The following TENM4 variants were observed in gnomAD, a reference collection of about 807,000 sequenced individuals.
TENM4 encodes teneurin-4.
A neutral mutation model predicts 243.3 loss-of-function variants in TENM4; 82 were observed. That is an observed-to-expected ratio of 0.34 (90% CI 0.28 to 0.40). The LOEUF (loss-of-function observed/expected upper bound fraction) is 0.40, where lower values mean the gene tolerates loss of function less well. Among genes scored for constraint, TENM4 ranks in the 10% least tolerant of loss-of-function variants. The pLI is 1.00. For synonymous variants in TENM4, 1,412 were observed against 1,456.3 expected (o/e 0.97, Z 0.69); for missense variants, 3,138 against 3,673.3 (o/e 0.85, Z 3.77).
intron 3 of TENM4, among the ~76,000 whole-genome samples, chr11:79,201,259 G>A (rs1222642321): frequency 1.3e-5 from 2 of 152,150 alleles, no homozygotes; most frequent in Admixed American, 1.3e-4. Context: ...GTTGACACTG[G>A]TGGTCCAGGG....
At chr11:78,710,262 A>G (rs571229970) in intron 26 of TENM4, among the ~76,000 whole-genome samples, 3 of 152,338 alleles carry the variant, frequency 2.0e-5, no homozygotes, top group African/African-American at 7.2e-5. Flanking sequence ...ACTAGCCCTC[A>G]ATAATTATTA....
At chr11:78,956,690 A>G (rs1354905620) in intron 6 of TENM4, among the ~76,000 whole-genome samples, 1 of 152,230 alleles carries the variant, frequency 6.6e-6, no homozygotes, top group African/African-American at 2.4e-5. Flanking sequence ...CAGGATCACC[A>G]TCTATTAGCC....
Position 78,712,666 on chromosome 11 carries a change from C to G in TENM4, c.3870G>C (p.Gly1290=), listed in dbSNP as rs745844016. Reference sequence around the variant, plus strand: ...TGTTGCTGTCAGAAAGGAAGACGGCCCCACTCATGGGGTCTGTGGCCAGGT... The same window carrying G: ...TGTTGCTGTCAGAAAGGAAGACGGCGCCACTCATGGGGTCTGTGGCCAGGT... ...KYYLATDPMS[G]AVFLSDSNSR... The change falls in exon 26 of 34, where the codon GGG becomes GGC. Residue 1290 remains glycine (G), a synonymous_variant. Coordinates refer to ENST00000278550, the MANE Select transcript of TENM4 (RefSeq NM_001098816.3). 2 of 1,613,942 alleles carry G rather than the reference C, an allele frequency of 1.2e-6. No individual in the cohort carries two copies. The highest frequency in any genetic ancestry group is 2.2e-5 in the South Asian group (2 of 91,074).
chr11:79,104,447 T>C (rs1465400655), intron 4 of TENM4, among the ~76,000 whole-genome samples: 3 of 152,242 alleles, frequency 2.0e-5, no homozygotes, highest in African/African-American at 7.2e-5. Context: ...ACATTAGAGA[T>C]GTGACCTTTC....
chr11:79,042,278 T>C lies in TENM4; in HGVS notation c.493+22460A>G, dbSNP rs112954073. Among the ~76,000 whole-genome samples the C allele has an allele frequency of 4.2e-3, 634 of 152,358 alleles. 5 individuals are homozygous for C. The highest frequency in any genetic ancestry group is 0.014 in the African/African-American group (602 of 41,590). On this transcript the variant is annotated intron_variant, in intron 6 of 33. Coordinates refer to ENST00000278550, the MANE Select transcript of TENM4 (RefSeq NM_001098816.3). ...AGCTTATTACTTCTCTCTACAATCATGCTCCAGCATTTCCTTGCTGCATCC... is the reference window on the plus strand; with the variant it reads ...AGCTTATTACTTCTCTCTACAATCACGCTCCAGCATTTCCTTGCTGCATCC...
chr11:78,843,768 GA>G (rs1407476373), intron 12 of TENM4, among the ~76,000 whole-genome samples: 1 of 152,202 alleles, frequency 6.6e-6, no homozygotes, highest in East Asian at 1.9e-4. Flanking sequence ...TACTGGCAAA[GA>G]AAGATGGAAT....
chr11:79,363,647 T>A (rs1565315825), intron 1 of TENM4, among the ~76,000 whole-genome samples: 2 of 152,228 alleles, frequency 1.3e-5, no homozygotes, highest in South Asian at 2.1e-4. Context: ...CAGTGCAGAT[T>A]TTCATATGAT....
chr11:79,097,890 C>T (rs1861123670), intron 4 of TENM4: 3 of 151,754 alleles, frequency 2.0e-5, no homozygotes, highest in Admixed American at 1.3e-4. Context: ...TAAATTACCA[C>T]CACCTGGATT....
intron 6 of TENM4, among the ~76,000 whole-genome samples, chr11:78,960,487 G>A (rs1424131463): frequency 6.6e-6 from 1 of 152,106 alleles, no homozygotes; most frequent in Non-Finnish European, 1.5e-5. Context: ...TTCACCACAT[G>A]GCCTTCCATA....
intron 7 of TENM4, among the ~76,000 whole-genome samples, chr11:78,901,252 T>C (rs894672596): frequency 6.6e-6 from 1 of 152,172 alleles, no homozygotes; most frequent in Non-Finnish European, 1.5e-5. Flanking sequence ...TATACCTACA[T>C]GTTAACAATG....
chr11:79,167,823 CCTT>C (rs1862949304), intron 3 of TENM4, among the ~76,000 whole-genome samples: 1 of 152,222 alleles, frequency 6.6e-6, no homozygotes, highest in African/African-American at 2.4e-5. Flanking sequence ...AAACCAGGCT[CCTT>C]CTGTGTCCAC....
chr11:79,151,245 G>A (rs1862505408), intron 3 of TENM4, among the ~76,000 whole-genome samples: 1 of 152,266 alleles, frequency 6.6e-6, no homozygotes, highest in Non-Finnish European at 1.5e-5. Flanking sequence ...AAAGCTATTA[G>A]CGAGCCAAAC....
At position 78,919,621 on chromosome 11, in the gene TENM4, C is replaced by T. The variant is rs911483531; in HGVS notation, c.494-16098G>A. Reference sequence around the variant, plus strand: ...TTGTCATCATATGAGGAATGCCTGCCTGAGAATAAGGCCAAAACAAAGGGA... The same window carrying T: ...TTGTCATCATATGAGGAATGCCTGCTTGAGAATAAGGCCAAAACAAAGGGA... On this transcript the variant is annotated intron_variant, in intron 6 of 33. Transcript: ENST00000278550. Among the ~76,000 whole-genome samples, 16 of 152,126 alleles carry T rather than the reference C, an allele frequency of 1.1e-4. No homozygotes were observed. The East Asian group carries it at 3.1e-3, about 29-fold the overall frequency.
At chr11:78,981,185 G>A (rs1857785025) in intron 6 of TENM4, among the ~76,000 whole-genome samples, 2 of 152,088 alleles carry the variant, frequency 1.3e-5, no homozygotes, top group Non-Finnish European at 2.9e-5. Flanking sequence ...GAACAAGAAA[G>A]CACACCACAA....
chr11:79,434,191 C>T (rs191997060), intron 1 of TENM4, among the ~76,000 whole-genome samples: 1 of 152,314 alleles, frequency 6.6e-6, no homozygotes, highest in East Asian at 1.9e-4. Flanking sequence ...CTAACAATTT[C>T]CACTTTCAAA....
intron 6 of TENM4, among the ~76,000 whole-genome samples, chr11:79,051,223 C>T (rs1859783376): frequency 6.6e-6 from 1 of 152,324 alleles, no homozygotes; most frequent in South Asian, 2.1e-4. Flanking sequence ...TTTCTTACCT[C>T]ATTTAATCCT....
At chr11:79,299,522 G>A (rs772045298) in intron 1 of TENM4, among the ~76,000 whole-genome samples, 29 of 152,142 alleles carry the variant, frequency 1.9e-4, no homozygotes, top group Non-Finnish European at 3.2e-4. Flanking sequence ...CAGCTTTTCC[G>A]TAAAGTGACT....
chr11:79,279,732 T>G (rs1856122252), intron 2 of TENM4, among the ~76,000 whole-genome samples: 1 of 152,170 alleles, frequency 6.6e-6, no homozygotes, highest in Non-Finnish European at 1.5e-5. Context: ...ATGAAAACTT[T>G]CCCTCTGCGT....
At chr11:79,058,303 G>A (rs1859991819) in intron 6 of TENM4, among the ~76,000 whole-genome samples, 1 of 152,170 alleles carries the variant, frequency 6.6e-6, no homozygotes, top group Admixed American at 6.5e-5. Flanking sequence ...CAGCACTTTG[G>A]GAGGCTGAGA....
Sources: gnomAD v4.1 joint callset for allele counts (sites outside exome capture counted in the v4.1 genomes callset) on GRCh38, gnomAD v4.1.1 for gene constraint, MANE v1.5 for transcripts, NCBI Gene and HGNC (gene_info 2026-07-23, HGNC 2026-07-21) for gene names.